The following CTIF variants were observed in gnomAD, a reference collection of about 807,000 sequenced individuals.
The protein encoded by CTIF is cap binding complex dependent translation initiation factor.
Under a neutral mutation model 66.0 loss-of-function variants are expected in CTIF, and 21 were observed. The ratio of observed to expected loss-of-function variants is 0.32; its 90% CI spans 0.23 to 0.46. CTIF has a LOEUF of 0.46. CTIF is among the 20% of genes least tolerant of loss of function. CTIF has a pLI of 1.00. For missense variants in CTIF, 739 were observed against 812.7 expected (o/e 0.91, Z 1.10); for synonymous variants, 345 against 326.4 (o/e 1.06, Z -0.62).
At chr18:48,575,181 G>A (rs1040423904) in intron 1 of CTIF, among the ~76,000 whole-genome samples, 1 of 152,238 alleles carries the variant, frequency 6.6e-6, no homozygotes, top group Admixed American at 6.5e-5. Context: ...TAGGCCTTGA[G>A]TCCAGCCACT....
At chr18:48,608,660 T>C (rs2090251129) in intron 1 of CTIF, among the ~76,000 whole-genome samples, 1 of 152,202 alleles carries the variant, frequency 6.6e-6, no homozygotes, top group Non-Finnish European at 1.5e-5. Context: ...AGTTCTGCCT[T>C]GCAACCATAG....
intron 6 of CTIF, among the ~76,000 whole-genome samples, chr18:48,696,856 G>A (rs140898884): frequency 1.3e-5 from 2 of 152,314 alleles, no homozygotes; most frequent in African/African-American, 4.8e-5. Flanking sequence ...GCTAAGTAGT[G>A]GGCCTAAGCA....
chr18:48,697,682 G>C (rs1368408451), intron 6 of CTIF, among the ~76,000 whole-genome samples: 1 of 152,046 alleles, frequency 6.6e-6, no homozygotes, highest in Non-Finnish European at 1.5e-5. Flanking sequence ...TCCTTCTGCT[G>C]CATTGCTGTA....
chr18:48,644,878 C>T (rs2090998220), intron 3 of CTIF, among the ~76,000 whole-genome samples: 1 of 152,198 alleles, frequency 6.6e-6, no homozygotes, highest in South Asian at 2.1e-4. Flanking sequence ...AGGAGATGTG[C>T]TTTCAGCCTG....
chr18:48,601,128 G>A lies in CTIF; in HGVS notation c.-28-18410G>A, dbSNP rs187797082. Among the ~76,000 whole-genome samples, 21 of 152,278 alleles carry A rather than the reference G, an allele frequency of 1.4e-4. No homozygotes were observed. In the East Asian group the frequency reaches 3.7e-3, roughly 27 times the overall value. On this transcript the variant is annotated intron_variant, in intron 1 of 11. Transcript: ENST00000256413. The stretch of plus-strand genomic sequence containing the variant: ...AACTGAGATCTGCCCTCACCACTAA[G>A]GTGTTAGGCCCGTTCTTTATCTAGC...
rs1400017731 is a variant in CTIF at position 48,860,558 on chromosome 18, C to T, written c.*999C>T. ...CCACTGGGACCAAGTTAAACCTGGT[C>T]CTGGCCCCAGGGGCCTTGTGGCAAA... is the stretch of plus-strand genomic sequence containing the variant. On this transcript the variant is annotated 3_prime_UTR_variant, in exon 12 of 12. Transcript: ENST00000256413. 6.5e-6 allele frequency: 1 copy of T among 153,124 alleles called. No individual in the cohort carries two copies. The highest frequency in any genetic ancestry group is 2.4e-5 in the African/African-American group (1 of 41,480). The allele number at this position is 153,124 out of a possible 1,614,324, so 9.5% of individuals were successfully genotyped here. A position where few individuals can be genotyped will look rare whatever the true frequency, so the allele number is the denominator to read the frequency against.
intron 9 of CTIF, among the ~76,000 whole-genome samples, chr18:48,805,057 G>C (rs1241959448): frequency 6.6e-6 from 1 of 152,238 alleles, no homozygotes; most frequent in Non-Finnish European, 1.5e-5. Context: ...AGGTTTCATG[G>C]AGCCCAGAAG....
intron 1 of CTIF, among the ~76,000 whole-genome samples, chr18:48,578,208 A>G (rs1037479941): frequency 1.3e-5 from 2 of 151,550 alleles, no homozygotes; most frequent in Non-Finnish European, 2.9e-5. Context: ...TCTACATTTT[A>G]TGTATTCCTT....
At position 48,817,637 on chromosome 18, in the gene CTIF, G is replaced by A. The variant is rs551824618; in HGVS notation, c.1527+261G>A. On this transcript the variant is annotated intron_variant, in intron 10 of 11. Transcript: ENST00000256413. ...CTAAAAATGCAAAAATTAACCAGGC[G>A]TGGTGGTGGGTGCCTGTAATCCCAG... 5.3e-5 allele frequency among the ~76,000 whole-genome samples: 8 copies of A among 152,186 alleles called. No individual in the cohort carries two copies. The East Asian group carries it at 1.2e-3, about 22-fold the overall frequency.
At chr18:48,750,148 C>A (rs898895953) in intron 7 of CTIF, among the ~76,000 whole-genome samples, 2 of 152,238 alleles carry the variant, frequency 1.3e-5, no homozygotes, top group Non-Finnish European at 2.9e-5. Flanking sequence ...TAGCCTCAGA[C>A]TAGCCTTGTG....
intron 6 of CTIF, among the ~76,000 whole-genome samples, chr18:48,674,112 A>G (rs2091584874): frequency 6.6e-6 from 1 of 152,026 alleles, no homozygotes; most frequent in African/African-American, 2.4e-5. Flanking sequence ...CACTTAACTC[A>G]TCTTCATGGA....
intron 1 of CTIF, among the ~76,000 whole-genome samples, chr18:48,586,967 C>G (rs2089782259): frequency 6.6e-6 from 1 of 152,132 alleles, no homozygotes; most frequent in African/African-American, 2.4e-5. Flanking sequence ...GTAAGTTCAA[C>G]CTGTCCTGGG....
rs1043792705 is a variant in CTIF, at chr18:48,806,306, C to T, written c.1372-10915C>T. ...AATGCCTGGGATTGACTCCTGGCTG[C>T]TGGGCTCCCACAGCTCCCCATGGTC... On this transcript the variant is annotated intron_variant, in intron 9 of 11. Coordinates refer to ENST00000256413, the MANE Select transcript of CTIF (RefSeq NM_014772.3). 5.3e-5 allele frequency among the ~76,000 whole-genome samples: 8 copies of T among 152,216 alleles called. 1 individual carries two copies. Among genetic ancestry groups the T allele is most frequent in the Admixed American group, 2.0e-4 (3 of 15,286 alleles).
chr18:48,804,702 C>G (rs761475207), intron 9 of CTIF, among the ~76,000 whole-genome samples: 2 of 152,184 alleles, frequency 1.3e-5, no homozygotes, highest in Non-Finnish European at 2.9e-5. Context: ...AGACCTTCCA[C>G]GATGCTGCCC....
chr18:48,771,380 A>T (rs1910097293), intron 9 of CTIF, among the ~76,000 whole-genome samples: 1 of 152,092 alleles, frequency 6.6e-6, no homozygotes, highest in Non-Finnish European at 1.5e-5. Flanking sequence ...ACTGGGGAGG[A>T]AGGAGCATGG....
rs2069505879 is a variant in CTIF at position 48,862,794 on chromosome 18, G to T, written c.*3235G>T. The T allele has an allele frequency of 6.6e-6, 1 of 152,326 alleles. No individual in the cohort carries two copies. 9.4% of individuals were successfully genotyped at this position (152,326 alleles called of 1,614,324 possible). ...GGCCGCCACCAGAGCAGCCCCATGG[G>T]GTGCCCCAGACGCGGGCCTCCAAGA... is the stretch of plus-strand genomic sequence containing the variant. On this transcript the variant is annotated 3_prime_UTR_variant, in exon 12 of 12. Coordinates refer to ENST00000256413, the MANE Select transcript of CTIF (RefSeq NM_014772.3).
At chr18:48,749,272 A>C (rs917576024) in intron 7 of CTIF, among the ~76,000 whole-genome samples, 1 of 152,202 alleles carries the variant, frequency 6.6e-6, no homozygotes, top group Non-Finnish European at 1.5e-5. Context: ...GCTGTGGTGG[A>C]TTCGAATGGC....
Position 48,673,115 on chromosome 18 carries a change from G to A in CTIF, c.507+2371G>A, listed in dbSNP as rs139477698. 2.8e-4 allele frequency among the ~76,000 whole-genome samples: 42 copies of A among 152,192 alleles called. 2 individuals carry two copies. In the South Asian group the frequency reaches 3.1e-3, roughly 11 times the overall value. ...CCCCAGAGCCCCTGCCCCCATCTCT[G>A]TGGCATGGCTCCCACCACGTCGCAC... On this transcript the variant is annotated intron_variant, in intron 6 of 11. Transcript: ENST00000256413.
intron 5 of CTIF, among the ~76,000 whole-genome samples, chr18:48,665,797 G>T (rs2668591): frequency 0.13 from 20,277 of 152,208 alleles, 1,461 homozygotes; most frequent in African/African-American, 0.18. Flanking sequence ...ATAGCATGTA[G>T]CAGAACTTTA....
Sources: gnomAD v4.1 joint callset for allele counts (sites outside exome capture counted in the v4.1 genomes callset) on GRCh38, gnomAD v4.1.1 for gene constraint, MANE v1.5 for transcripts, NCBI Gene and HGNC (gene_info 2026-07-23, HGNC 2026-07-21) for gene names.